Variants in LGSN observed in about 807,000 individuals in gnomAD.
LGSN encodes lengsin.
LGSN carries 21 observed loss-of-function variants against 19.5 expected under a neutral mutation model. That is an observed-to-expected ratio of 1.07 (90% CI 0.76 to 1.55). The LOEUF (loss-of-function observed/expected upper bound fraction) is 1.55, where lower values mean the gene tolerates loss of function less well. LGSN is among the 40% of genes most tolerant of loss of function. The pLI is 0.00. For synonymous variants in LGSN, 257 were observed against 215.6 expected, an observed-to-expected ratio of 1.19 and a Z score of -1.68; for missense variants, 673 against 608.5, an observed-to-expected ratio of 1.11 and a Z score of -1.12.
the LGSN span, among the ~76,000 whole-genome samples, chr6:63,433,192 A>T: frequency 6.6e-6 from 1 of 152,116 alleles, no homozygotes; most frequent in Non-Finnish European, 1.5e-5. Flanking sequence ...TAACAAATAA[A>T]ATTATTGCTC....
chr6:63,462,191 C>G, the LGSN span, among the ~76,000 whole-genome samples: 1 of 152,174 alleles, frequency 6.6e-6, no homozygotes, highest in Non-Finnish European at 1.5e-5. Flanking sequence ...ACCCACATAT[C>G]ACACTGCTTT....
At chr6:63,568,311 A>G in the LGSN span, among the ~76,000 whole-genome samples, 1 of 152,194 alleles carries the variant, frequency 6.6e-6, no homozygotes, top group Non-Finnish European at 1.5e-5. Flanking sequence ...TTTCACTTGA[A>G]CACTCAGAGG....
the LGSN span, among the ~76,000 whole-genome samples, chr6:63,430,199 G>A: frequency 6.6e-6 from 1 of 152,068 alleles, no homozygotes; most frequent in South Asian, 2.1e-4. Flanking sequence ...TTCTGGGACT[G>A]GTTATGTCCT....
the LGSN span, among the ~76,000 whole-genome samples, chr6:63,376,855 A>T: frequency 6.6e-6 from 1 of 152,250 alleles, no homozygotes; most frequent in Admixed American, 6.5e-5. Context: ...AATGGTCTAC[A>T]TTCACAAGTG....
intron 1 of LGSN, among the ~76,000 whole-genome samples, chr6:63,297,574 C>T (rs906503112): frequency 2.0e-5 from 3 of 152,056 alleles, no homozygotes; most frequent in African/African-American, 7.2e-5. Flanking sequence ...CACCTCCATT[C>T]GAGTATTTTT....
chr6:63,402,918 A>T, the LGSN span, among the ~76,000 whole-genome samples: 1,617 of 152,304 alleles, frequency 0.011, 21 homozygotes, highest in Middle Eastern at 0.027. Flanking sequence ...TCCCCTCAAA[A>T]ATAAGAAATT....
At chr6:63,341,868 A>G in the LGSN span, among the ~76,000 whole-genome samples, 1 of 152,314 alleles carries the variant, frequency 6.6e-6, no homozygotes, top group African/African-American at 2.4e-5. Flanking sequence ...TCAAATGTCT[A>G]ACAATGCAGC....
At chr6:63,500,240 T>A in the LGSN span, among the ~76,000 whole-genome samples, 1 of 148,026 alleles carries the variant, frequency 6.8e-6, no homozygotes, top group Non-Finnish European at 1.5e-5. Context: ...ACTGAAAACT[T>A]GAGGTTATGA....
At chr6:63,434,048 C>T in the LGSN span, among the ~76,000 whole-genome samples, 2 of 152,250 alleles carry the variant, frequency 1.3e-5, no homozygotes, top group East Asian at 1.9e-4. Context: ...CCAAGAACAA[C>T]TAGGAACCAT....
chr6:63,338,924 C>T, the LGSN span, among the ~76,000 whole-genome samples: 2 of 152,032 alleles, frequency 1.3e-5, no homozygotes, highest in South Asian at 2.1e-4. Flanking sequence ...CTTCATAGAC[C>T]CAATTATTAT....
the LGSN span, among the ~76,000 whole-genome samples, chr6:63,542,203 A>G: frequency 6.6e-6 from 1 of 152,166 alleles, no homozygotes; most frequent in Admixed American, 6.5e-5. Flanking sequence ...GTTCTCACTC[A>G]TAAGTGGGAG....
chr6:63,327,446 A>T, the LGSN span, among the ~76,000 whole-genome samples: 1 of 151,910 alleles, frequency 6.6e-6, no homozygotes, highest in Non-Finnish European at 1.5e-5. Context: ...GCGGCATCTC[A>T]TGCTATCCCA....
At chr6:63,524,913 G>A in the LGSN span, among the ~76,000 whole-genome samples, 41 of 152,236 alleles carry the variant, frequency 2.7e-4, no homozygotes, top group African/African-American at 9.9e-4. Context: ...ATACCTCAGA[G>A]GCATTCTTCA....
chr6:63,280,909 A>C lies in LGSN; in HGVS notation c.642T>G (p.Gly214=), dbSNP rs922141318. 6.2e-7 allele frequency: 1 copy of C among 1,614,116 alleles called. No individual in the cohort carries two copies. The highest frequency in any genetic ancestry group is 1.1e-5 in the South Asian group (1 of 91,084). The change falls in exon 4 of 4, where the codon GGT becomes GGG. Residue 214 remains glycine (G), a synonymous_variant. Coordinates refer to ENST00000370657, the MANE Select transcript of LGSN (RefSeq NM_016571.3). ...SAFIYDFCIF[G]VPEILNSKII... is the part of the protein sequence containing the mutation. Reference sequence around the variant, plus strand: ...TCTTTGAATTTAAAATTTCGGGCACACCAAAAATGCAAAAATCATAGATGA... The same window carrying C: ...TCTTTGAATTTAAAATTTCGGGCACCCCAAAAATGCAAAAATCATAGATGA...
the LGSN span, among the ~76,000 whole-genome samples, chr6:63,387,773 G>A: frequency 6.6e-6 from 1 of 151,898 alleles, no homozygotes; most frequent in Non-Finnish European, 1.5e-5. Context: ...TGCAGCCTCA[G>A]TCTCCCAGGC....
chr6:63,305,135 A>C (rs1768329178), intron 1 of LGSN, among the ~76,000 whole-genome samples: 1 of 152,188 alleles, frequency 6.6e-6, no homozygotes, highest in Non-Finnish European at 1.5e-5. Context: ...AGATTCCAAA[A>C]CAGTACAGTT....
At chr6:63,544,392 T>G in the LGSN span, among the ~76,000 whole-genome samples, 1 of 152,172 alleles carries the variant, frequency 6.6e-6, no homozygotes, top group African/African-American at 2.4e-5. Context: ...TCTTTAACAC[T>G]TTAGTGTCCT....
chr6:63,293,842 G>T (rs1438134266), intron 2 of LGSN: 3 of 452,816 alleles, frequency 6.6e-6, no homozygotes, highest in South Asian at 4.7e-5. Context: ...CACACCATTT[G>T]GTTTCTGATC....
chr6:63,295,836 C>G (rs1436662768), intron 1 of LGSN, among the ~76,000 whole-genome samples: 3 of 151,712 alleles, frequency 2.0e-5, no homozygotes, highest in Non-Finnish European at 4.4e-5. Flanking sequence ...AAAGCTGTCA[C>G]TGAAAAAAAA....
Sources: allele counts gnomAD v4.1 joint callset (sites outside exome capture counted in the v4.1 genomes callset), GRCh38; gene constraint gnomAD v4.1.1; transcripts MANE v1.5; gene names NCBI Gene and HGNC (gene_info 2026-07-23, HGNC 2026-07-21).